Variants in SLC25A22 observed in about 807,000 individuals in gnomAD.
SLC25A22 encodes mitochondrial glutamate carrier 1.
A neutral mutation model predicts 33.7 loss-of-function variants in SLC25A22; 23 were observed. The ratio of observed to expected loss-of-function variants is 0.68; its 90% CI spans 0.49 to 0.97. The LOEUF is 0.97. Among genes scored for constraint, SLC25A22 ranks in the 50% least tolerant of loss-of-function variants. SLC25A22 has a pLI of 0.00. For synonymous variants in SLC25A22, 245 were observed against 203.8 expected (o/e 1.20, Z -1.72); for missense variants, 390 against 451.1 (o/e 0.86, Z 1.23).
Position 792,582 on chromosome 11 carries a change from G to A in SLC25A22, c.558C>T (p.Leu186=), listed in dbSNP as rs2133700836. 1 of 1,612,012 alleles carries A rather than the reference G, an allele frequency of 6.2e-7. No homozygotes were observed. Among genetic ancestry groups the A allele is most frequent in the Non-Finnish European group, 8.5e-7 (1 of 1,179,688 alleles). The change falls in exon 7 of 10, where the codon CTC becomes CTT. Residue 186 remains leucine, a synonymous_variant. Coordinates refer to ENST00000628067, the MANE Select transcript of SLC25A22 (RefSeq NM_001191061.2). The stretch of plus-strand genomic sequence containing the variant: ...GCAGCGTGGCCCCGAGTCCCTTGTA[G>A]AGACCGGCAATGCCACGGCTCCGCA... ...DLLRSRGIAG[L]YKGLGATLLR...
At position 792,393 on chromosome 11, in the gene SLC25A22, G is replaced by A. The variant is rs150645806; in HGVS notation, c.653C>T (p.Ala218Val). 40 of 1,613,202 alleles carry A rather than the reference G, an allele frequency of 2.5e-5. No individual in the cohort carries two copies. The African/African-American group carries it at 4.3e-4, about 17-fold the overall frequency. The change falls in exon 8 of 10, where the codon GCG becomes GTG. Residue 218 changes from alanine (A) to valine (V), a missense_variant. By Grantham distance (64) the Ala-to-Val change is moderately conservative (BLOSUM62 0). Coordinates refer to ENST00000628067, the MANE Select transcript of SLC25A22 (RefSeq NM_001191061.2). ...FANLNQLGRP[A>V]SEEKSPFYVS... ...GTAGAAAGGCGACTTCTCCTCGGAC[G>A]CCGGGCGGCCCAGCTGGTTCAGGTT... is the stretch of plus-strand genomic sequence containing the variant.
intron 5 of SLC25A22, 174 bp downstream of exon 5, chr11:793,355 G>A: frequency 1.5e-6 from 1 of 675,056 alleles, no homozygotes; most frequent in South Asian, 1.6e-5. Context: ...TTTGACATCT[G>A]CTTTGCTCCC....
chr11:792,336 C>T lies in SLC25A22; in HGVS notation c.710G>A (p.Ser237Asn), dbSNP rs768694866. ...GGGGTTGACGGCCACAGCGGCGGCA[C>T]TCCCAGCCACACAGCCGGCCAGGAA... Reference protein sequence around the residue: ...VSFLAGCVAGSAAAVAVNPCD... With the variant: ...VSFLAGCVAGNAAAVAVNPCD... The change falls in exon 8 of 10, where the codon AGT (serine) becomes AAT (asparagine). Residue 237 changes from serine (S) to asparagine (N), a missense_variant. Ser to Asn is a conservative substitution (Grantham distance 46). Coordinates refer to ENST00000628067, the MANE Select transcript of SLC25A22 (RefSeq NM_001191061.2). 1 of 1,613,134 alleles carries T rather than the reference C, an allele frequency of 6.2e-7. No individual in the cohort carries two copies. The highest frequency in any genetic ancestry group is 8.5e-7 in the Non-Finnish European group (1 of 1,179,962).
In SLC25A22 at chr11:790,727, AG is replaced by A. The variant is rs1489969802; in HGVS notation, c.*1187del. The A allele has an allele frequency of 6.6e-6, 1 of 152,412 alleles. No homozygotes were observed. Among genetic ancestry groups the A allele is most frequent in the East Asian group, 1.9e-4 (1 of 5,182 alleles). The allele number at this position is 152,412 out of a possible 1,614,324, so 9.4% of individuals were successfully genotyped here. ...TTTGGGGACACAGCACCAGCACATCAGGGTCTGTCACCAACACGATCACATG... is the reference window on the plus strand; with the variant it reads ...TTTGGGGACACAGCACCAGCACATCAGGTCTGTCACCAACACGATCACATG... On this transcript the variant is annotated 3_prime_UTR_variant, in exon 10 of 10. Transcript: ENST00000628067.
In SLC25A22 at chr11:790,607, A is replaced by C. The variant is rs1260374587; in HGVS notation, c.*1308T>G. 1 of 152,282 alleles carries C rather than the reference A, an allele frequency of 6.6e-6. No individual in the cohort carries two copies. Among genetic ancestry groups the C allele is most frequent in the African/African-American group, 2.4e-5 (1 of 41,456 alleles). The allele number at this position is 152,282 out of a possible 1,614,324, so 9.4% of individuals were successfully genotyped here. Reference sequence around the variant, plus strand: ...GCTTCCAAGGTTCTGATGTGACGGGAGGGGCAGCTCCCAGGAGCAACCGTG... The same window carrying C: ...GCTTCCAAGGTTCTGATGTGACGGGCGGGGCAGCTCCCAGGAGCAACCGTG... On this transcript the variant is annotated 3_prime_UTR_variant, in exon 10 of 10. Transcript: ENST00000628067.
intron 1 of SLC25A22, among the ~76,000 whole-genome samples, chr11:796,524 GC>G (rs1590125549): frequency 6.6e-6 from 1 of 152,242 alleles, no homozygotes; most frequent in East Asian, 1.9e-4. Context: ...GCATTTCCTG[GC>G]CTGGATCTGT....
chr11:791,303 T>G lies in SLC25A22; in HGVS notation c.*612A>C, dbSNP rs1565033605. The G allele has an allele frequency of 6.1e-6, 1 of 163,428 alleles. No homozygotes were observed. The highest frequency in any genetic ancestry group is 1.3e-5 in the Non-Finnish European group (1 of 75,338). 10.1% of individuals were successfully genotyped at this position (163,428 alleles called of 1,614,324 possible). A position where few individuals can be genotyped will look rare whatever the true frequency, so the allele number is the denominator to read the frequency against. ...AGGAGCCCACCAGAAAGTCCCACAGTGGGTGGCGGGCTTGCCCCAAGAGTC... is the reference window on the plus strand; with the variant it reads ...AGGAGCCCACCAGAAAGTCCCACAGGGGGTGGCGGGCTTGCCCCAAGAGTC... On this transcript the variant is annotated 3_prime_UTR_variant, in exon 10 of 10. Coordinates refer to ENST00000628067, the MANE Select transcript of SLC25A22 (RefSeq NM_001191061.2).
At position 791,822 on chromosome 11, in the gene SLC25A22, AG is replaced by A. The variant is rs1350078196; in HGVS notation, c.*92del. On this transcript the variant is annotated 3_prime_UTR_variant, in exon 10 of 10. Coordinates refer to ENST00000628067, the MANE Select transcript of SLC25A22 (RefSeq NM_001191061.2). ...GCCCCTGCCGACGGGAGGGCTGGGG[AG>A]GGGTCTTCCCTTGCTCCGTCCTGGG... 2 of 1,454,766 alleles carry A rather than the reference AG, an allele frequency of 1.4e-6. No homozygotes were observed. Among genetic ancestry groups the A allele is most frequent in the East Asian group, 2.5e-5 (1 of 39,760 alleles). The allele number at this position is 1,454,766 out of a possible 1,614,324, so 90.1% of individuals were successfully genotyped here.
Position 795,085 on chromosome 11 carries a change from C to A in SLC25A22, c.-79G>T. ...GGGTGGAGGTGGAGGTGGAGGAGGCCTTGAGGGAGGGTGGGACCCAGGGGG... is the reference window on the plus strand; with the variant it reads ...GGGTGGAGGTGGAGGTGGAGGAGGCATTGAGGGAGGGTGGGACCCAGGGGG... On this transcript the variant is annotated 5_prime_UTR_variant, in exon 2 of 10. It adds an upstream start codon to the 5' untranslated region. Transcript: ENST00000628067. The A allele has an allele frequency of 7.4e-7, 1 of 1,343,422 alleles. No homozygotes were observed. Among genetic ancestry groups the A allele is most frequent in the Non-Finnish European group, 1.0e-6 (1 of 982,334 alleles). 83.2% of individuals were successfully genotyped at this position (1,343,422 alleles called of 1,614,324 possible). A position where few individuals can be genotyped will look rare whatever the true frequency, so the allele number is the denominator to read the frequency against.
At position 794,454 on chromosome 11, in the gene SLC25A22, TCACCCC is replaced by T; in HGVS notation, c.200_202+3del. ...ATATCGAGCCCAGCCGAGCCAAACCTCACCCCGGTACATGCCGAAGTAGCCCTCGGA... is the reference window on the plus strand; with the variant it reads ...ATATCGAGCCCAGCCGAGCCAAACCTGGTACATGCCGAAGTAGCCCTCGGA... On this transcript the variant is annotated splice_donor_variant and splice_donor_region_variant and coding_sequence_variant and intron_variant, in exon 4 of 10. Coordinates refer to ENST00000628067, the MANE Select transcript of SLC25A22 (RefSeq NM_001191061.2). LOFTEE classifies it high-confidence loss of function. The T allele has an allele frequency of 6.2e-7, 1 of 1,612,332 alleles. No individual in the cohort carries two copies. Among genetic ancestry groups the T allele is most frequent in the Non-Finnish European group, 8.5e-7 (1 of 1,179,690 alleles).
Position 791,687 on chromosome 11 carries a change from G to T in SLC25A22, c.*228C>A. On this transcript the variant is annotated 3_prime_UTR_variant, in exon 10 of 10. Coordinates refer to ENST00000628067, the MANE Select transcript of SLC25A22 (RefSeq NM_001191061.2). ...CAGGGGCTAGCTTGAGGAATGTAAA[G>T]ATTTCTGCATTTTCTACATAAATGA... The T allele has an allele frequency of 1.6e-6, 1 of 614,762 alleles. No individual in the cohort carries two copies. Among genetic ancestry groups the T allele is most frequent in the Non-Finnish European group, 2.8e-6 (1 of 353,550 alleles). The allele number at this position is 614,762 out of a possible 1,614,324, so 38.1% of individuals were successfully genotyped here. A position where few individuals can be genotyped will look rare whatever the true frequency, so the allele number is the denominator to read the frequency against.
chr11:794,400 C>A, intron 4 of SLC25A22, 58 bp downstream of exon 4: 1 of 1,586,268 alleles, frequency 6.3e-7, no homozygotes, highest in Non-Finnish European at 8.6e-7. Context: ...CTCCCTGCCA[C>A]GACTCGCGGG....
Position 798,239 on chromosome 11 carries a change from C to A in SLC25A22, c.-186G>T, listed in dbSNP as rs1231287047. ...CACCACGCTCGCCGCCGCCGCCGCG[C>A]TCGCCTGCCCGCCCCGCGCTCGGCC... On this transcript the variant is annotated 5_prime_UTR_variant, in exon 1 of 10. Transcript: ENST00000628067. 2 of 392,634 alleles carry A rather than the reference C, an allele frequency of 5.1e-6. No individual in the cohort carries two copies. The highest frequency in any genetic ancestry group is 9.0e-6 in the Non-Finnish European group (2 of 222,446). The allele number at this position is 392,634 out of a possible 1,614,324, so 24.3% of individuals were successfully genotyped here. A position where few individuals can be genotyped will look rare whatever the true frequency, so the allele number is the denominator to read the frequency against.
chr11:796,071 G>C (rs1300141704), intron 1 of SLC25A22: 1 of 152,204 alleles, frequency 6.6e-6, no homozygotes, highest in Non-Finnish European at 1.5e-5. Flanking sequence ...GGGCCACGCG[G>C]CTGGCTCACA....
At chr11:797,423 C>T (rs1306850177) in intron 1 of SLC25A22, 3 of 394,724 alleles carry the variant, frequency 7.6e-6, no homozygotes, top group East Asian at 7.2e-5. Context: ...GCTATAGAAA[C>T]CCTGCAGCCC....
Position 791,809 on chromosome 11 carries a change from G to C in SLC25A22, c.*106C>G. 1 of 1,428,354 alleles carries C rather than the reference G, an allele frequency of 7.0e-7. No individual in the cohort carries two copies. The allele number at this position is 1,428,354 out of a possible 1,614,324, so 88.5% of individuals were successfully genotyped here. ...CCTGCCCCCTGCTGCCCCTGCCGAC[G>C]GGAGGGCTGGGGAGGGGTCTTCCCT... On this transcript the variant is annotated 3_prime_UTR_variant, in exon 10 of 10. Coordinates refer to ENST00000628067, the MANE Select transcript of SLC25A22 (RefSeq NM_001191061.2).
chr11:796,913 T>C (rs553652172), intron 1 of SLC25A22, among the ~76,000 whole-genome samples: 1 of 152,302 alleles, frequency 6.6e-6, no homozygotes, highest in South Asian at 2.1e-4. Flanking sequence ...AGCTGACCTC[T>C]GAACTTCTAC....
chr11:794,337 C>T (rs1364433823), intron 4 of SLC25A22, 121 bp downstream of exon 4: 9 of 1,147,010 alleles, frequency 7.8e-6, no homozygotes, highest in South Asian at 5.2e-5. Context: ...ACAAACACGT[C>T]CACGCTCACA....
In SLC25A22 at chr11:794,789, C is replaced by G. The variant is rs570016062; in HGVS notation, c.133G>C (p.Val45Leu). 3.1e-6 allele frequency: 5 copies of G among 1,597,752 alleles called. No individual in the cohort carries two copies. The highest frequency in any genetic ancestry group is 4.3e-6 in the Non-Finnish European group (5 of 1,173,864). ...RLQNQQNGQR[V>L]YTSMSDCLIK... is the part of the protein sequence containing the mutation. ...CGGCACACTCACATGCTCGTGTACA[C>G]GCGCTGGCCGTTCTGCTGGTTCTGC... The change falls in exon 3 of 10, where the codon GTG becomes CTG. Residue 45 changes from valine (V) to leucine (L), a missense_variant. By Grantham distance (32) the Val-to-Leu change is conservative. Transcript: ENST00000628067.
Sources: gnomAD v4.1 joint callset for allele counts (sites outside exome capture counted in the v4.1 genomes callset) on GRCh38, gnomAD v4.1.1 for gene constraint, MANE v1.5 for transcripts, NCBI Gene and HGNC (gene_info 2026-07-23, HGNC 2026-07-21) for gene names.